Variants in GRIK2 observed in about 807,000 individuals in gnomAD.
GRIK2 encodes the protein glutamate receptor ionotropic, kainate 2.
In GRIK2, 32 loss-of-function variants were observed where a neutral mutation model predicts 100.3. The ratio of observed to expected loss-of-function variants is 0.32; its 90% CI spans 0.24 to 0.43. The LOEUF is 0.43. GRIK2 is among the 20% of genes least tolerant of loss of function. GRIK2 has a pLI of 1.00. For synonymous variants in GRIK2, 417 were observed against 389.4 expected, an observed-to-expected ratio of 1.07 and a Z score of -0.83; for missense variants, 843 against 1,114.9, an observed-to-expected ratio of 0.76 and a Z score of 3.47.
chr6:101,473,097 T>TTTCCTTTC (rs1325640914), intron 2 of GRIK2, among the ~76,000 whole-genome samples: 1 of 133,276 alleles, frequency 7.5e-6, no homozygotes, highest in East Asian at 2.3e-4. Flanking sequence ...AATCCTAGGT[T>TTTCCTTTC]TTCCTTCCTT....
At position 101,939,328 on chromosome 6, in the gene GRIK2, C is replaced by T. The variant is rs371320979; in HGVS notation, c.2085+10696C>T. 6.1e-4 allele frequency among the ~76,000 whole-genome samples: 92 copies of T among 151,894 alleles called. 1 individual carries two copies. The highest frequency in any genetic ancestry group is 2.1e-3 in the African/African-American group (87 of 41,464). ...GAGAGTATATGTCTTATATATTGTT[C>T]GTATTACCACTGAACATGTACTAAA... On this transcript the variant is annotated intron_variant, in intron 14 of 16. Transcript: ENST00000369134.
chr6:101,615,036 C>T (rs145455339), intron 2 of GRIK2, among the ~76,000 whole-genome samples: 2,448 of 151,818 alleles, frequency 0.016, 36 homozygotes, highest in Non-Finnish European at 0.022. Context: ...AGTTTCAGCA[C>T]TGAGTGTTCT....
intron 7 of GRIK2, among the ~76,000 whole-genome samples, chr6:101,760,158 C>T (rs937324416): frequency 4.8e-5 from 7 of 145,786 alleles, no homozygotes; most frequent in Non-Finnish European, 8.9e-5. Context: ...CGTGAGCCAC[C>T]GCGCCCGGCC....
intron 2 of GRIK2, among the ~76,000 whole-genome samples, chr6:101,406,219 A>ATTT (rs145136925): frequency 6.6e-6 from 1 of 150,462 alleles, no homozygotes; most frequent in African/African-American, 2.4e-5. Flanking sequence ...TTTCTGCAGG[A>ATTT]TTTTTTTTTT....
At chr6:102,048,925 A>G (rs1771035348) in intron 15 of GRIK2, among the ~76,000 whole-genome samples, 1 of 152,108 alleles carries the variant, frequency 6.6e-6, no homozygotes. Flanking sequence ...TCATATGAAA[A>G]AAAAGCAATA....
chr6:101,667,454 TTAAG>T (rs1010087602), intron 4 of GRIK2, among the ~76,000 whole-genome samples: 1 of 152,224 alleles, frequency 6.6e-6, no homozygotes, highest in Non-Finnish European at 1.5e-5. Context: ...TGTACATGTA[TTAAG>T]TGTCAAAGTG....
chr6:101,652,450 G>C (rs981234876), intron 4 of GRIK2, among the ~76,000 whole-genome samples: 2 of 152,126 alleles, frequency 1.3e-5, no homozygotes, highest in East Asian at 1.9e-4. Context: ...GGAAATATCT[G>C]TTGTGTATAA....
intron 14 of GRIK2, among the ~76,000 whole-genome samples, chr6:101,977,517 G>A (rs1793463444): frequency 6.6e-6 from 1 of 151,910 alleles, no homozygotes; most frequent in African/African-American, 2.4e-5. Context: ...CCAATGTGGA[G>A]TCCCCAGGCA....
At chr6:101,743,204 A>G (rs11967788) in intron 7 of GRIK2, among the ~76,000 whole-genome samples, 14,822 of 152,240 alleles carry the variant, frequency 0.097, 845 homozygotes, top group South Asian at 0.21. Flanking sequence ...ACAAGAGCTG[A>G]CCAAGTTCCT....
intron 14 of GRIK2, among the ~76,000 whole-genome samples, chr6:101,967,915 C>T (rs963807300): frequency 3.3e-5 from 5 of 151,744 alleles, no homozygotes; most frequent in African/African-American, 1.2e-4. Flanking sequence ...CAACAACAAA[C>T]CAACAACCCC....
chr6:101,497,002 T>C (rs1346725827), intron 2 of GRIK2, among the ~76,000 whole-genome samples: 2 of 152,162 alleles, frequency 1.3e-5, no homozygotes, highest in Non-Finnish European at 2.9e-5. Context: ...AAGAGCTAAA[T>C]AGATCTAATT....
intron 4 of GRIK2, among the ~76,000 whole-genome samples, chr6:101,674,409 G>A (rs1240532842): frequency 6.6e-6 from 1 of 152,194 alleles, no homozygotes. Context: ...ATAAAAAGTA[G>A]TTAAAGAGTT....
chr6:101,709,414 C>T (rs990315827), intron 7 of GRIK2, among the ~76,000 whole-genome samples: 1 of 151,778 alleles, frequency 6.6e-6, no homozygotes, highest in Non-Finnish European at 1.5e-5. Flanking sequence ...CCCTCATAGT[C>T]ACCAAATTGA....
intron 4 of GRIK2, among the ~76,000 whole-genome samples, chr6:101,658,483 T>C (rs1480738819): frequency 6.6e-6 from 1 of 152,230 alleles, no homozygotes; most frequent in East Asian, 1.9e-4. Context: ...TTCCAAGTCT[T>C]AGCTATTGTG....
intron 2 of GRIK2, among the ~76,000 whole-genome samples, chr6:101,582,353 G>C (rs1778143748): frequency 6.6e-6 from 1 of 152,076 alleles, no homozygotes; most frequent in Non-Finnish European, 1.5e-5. Context: ...CTAGTTTGCT[G>C]AGAATGATGG....
chr6:101,972,651 A>C, intron 14 of GRIK2, among the ~76,000 whole-genome samples: 1 of 151,832 alleles, frequency 6.6e-6, no homozygotes, highest in East Asian at 1.9e-4. Context: ...AATGTCAAGA[A>C]GAGTATTTCC....
intron 4 of GRIK2, among the ~76,000 whole-genome samples, chr6:101,667,754 TA>T (rs1770138088): frequency 6.6e-6 from 1 of 152,158 alleles, no homozygotes; most frequent in Admixed American, 6.6e-5. Flanking sequence ...ATATAATGGA[TA>T]TGATTTAATA....
At chr6:101,943,953 C>A (rs1791113743) in intron 14 of GRIK2, among the ~76,000 whole-genome samples, 1 of 152,070 alleles carries the variant, frequency 6.6e-6, no homozygotes, top group South Asian at 2.1e-4. Flanking sequence ...GGCTCTGTGT[C>A]CCTACCCAAA....
chr6:101,477,553 G>T (rs1229690447), intron 2 of GRIK2, among the ~76,000 whole-genome samples: 1 of 151,962 alleles, frequency 6.6e-6, no homozygotes, highest in Admixed American at 6.5e-5. Flanking sequence ...AGTCCATTCT[G>T]TTGGCAAGAT....
Sources: gnomAD v4.1 joint callset for allele counts (sites outside exome capture counted in the v4.1 genomes callset) on GRCh38, gnomAD v4.1.1 for gene constraint, MANE v1.5 for transcripts, NCBI Gene and HGNC (gene_info 2026-07-23, HGNC 2026-07-21) for gene names.